GRIP2: variants seen among roughly 807,000 people sequenced by gnomAD.
GRIP2 encodes glutamate receptor-interacting protein 2.
Under a neutral mutation model 108.3 loss-of-function variants are expected in GRIP2, and 58 were observed. The ratio of observed to expected loss-of-function variants is 0.54; its 90% confidence interval spans 0.43 to 0.67. The LOEUF (loss-of-function observed/expected upper bound fraction) is 0.67, where lower values mean the gene tolerates loss of function less well. GRIP2 is among the 30% of genes least tolerant of loss of function. The probability of loss-of-function intolerance (pLI) is 0.00; values close to 1 mark genes in which losing one functional copy is unlikely to be tolerated. For missense variants in GRIP2, 1,278 were observed against 1,430.6 expected, an observed-to-expected ratio of 0.89 and a Z score of 1.72; for synonymous variants, 586 against 598.2, an observed-to-expected ratio of 0.98 and a Z score of 0.30.
chr3:14,579,026 G>T, the GRIP2 span, among the ~76,000 whole-genome samples: 4 of 152,114 alleles, frequency 2.6e-5, no homozygotes, highest in Admixed American at 2.0e-4. Context: ...CAGTGTTTAG[G>T]GTGGCTTTAT....
At position 14,512,903 on chromosome 3, in the gene GRIP2, G is replaced by A; in HGVS notation, c.1640-46C>T. The A allele has an allele frequency of 6.4e-7, 1 of 1,563,110 alleles. No individual in the cohort carries two copies. The highest frequency in any genetic ancestry group is 8.8e-7 in the Non-Finnish European group (1 of 1,133,946). Reference sequence around the variant, plus strand: ...ACCGACGTGAGGACCCAGAGGAGGAGCCTCAGCGAACCCCAGCCCCATGCC... The same window carrying A: ...ACCGACGTGAGGACCCAGAGGAGGAACCTCAGCGAACCCCAGCCCCATGCC... On this transcript the variant is annotated intron_variant, in intron 13 of 23. Transcript: ENST00000621039. The surrounding 1 kb of genome is among the most constrained non-coding windows in gnomAD (Gnocchi z 5.1).
the GRIP2 span, among the ~76,000 whole-genome samples, chr3:14,568,871 C>T: frequency 6.6e-6 from 1 of 152,226 alleles, no homozygotes; most frequent in South Asian, 2.1e-4. Flanking sequence ...AGTCAGACAA[C>T]CGAGGCTCCA....
At chr3:14,499,084 G>T (rs933692149) in intron 21 of GRIP2, among the ~76,000 whole-genome samples, 1 of 152,194 alleles carries the variant, frequency 6.6e-6, no homozygotes, top group Non-Finnish European at 1.5e-5. Flanking sequence ...TGAACAGGCG[G>T]GGAGGGGGAG....
chr3:14,590,700 G>A, the GRIP2 span, among the ~76,000 whole-genome samples: 5 of 152,278 alleles, frequency 3.3e-5, no homozygotes, highest in South Asian at 8.3e-4. Context: ...ACCGCCTAAC[G>A]AGGATGAAGC....
At chr3:14,495,150 C>T (rs977416001) in intron 22 of GRIP2, among the ~76,000 whole-genome samples, 161 bp from the exon 23 acceptor site, 20 of 152,172 alleles carry the variant, frequency 1.3e-4, no homozygotes, top group African/African-American at 3.1e-4. Context: ...CAGCCACCCC[C>T]GCCACCCCGC....
chr3:14,507,789 C>T lies in GRIP2; in HGVS notation c.2079-89G>A, dbSNP rs1389191059. ...GCCCTCAGGGAATCCAGGAGAGCCA[C>T]AAAGCAGAAGTCTGGCTGACCCCAG... On this transcript the variant is annotated intron_variant, in intron 17 of 23. Transcript: ENST00000621039. The surrounding 1 kb of genome is among the most constrained non-coding windows in gnomAD (Gnocchi z 4.6). 6.7e-7 allele frequency: 1 copy of T among 1,487,012 alleles called. No homozygotes were observed. Among genetic ancestry groups the T allele is most frequent in the Admixed American group, 1.8e-5 (1 of 54,282 alleles). The allele number at this position is 1,487,012 out of a possible 1,614,324, so 92.1% of individuals were successfully genotyped here. A position where few individuals can be genotyped will look rare whatever the true frequency, so the allele number is the denominator to read the frequency against.
At chr3:14,572,821 C>A in the GRIP2 span, 1 of 904,940 alleles carries the variant, frequency 1.1e-6, no homozygotes, top group Non-Finnish European at 1.8e-6. Context: ...CCTGCTGGAG[C>A]GCATGGTCCC....
At chr3:14,579,467 C>T in the GRIP2 span, among the ~76,000 whole-genome samples, 13 of 152,270 alleles carry the variant, frequency 8.5e-5, 1 homozygote, top group African/African-American at 3.1e-4. Flanking sequence ...TTCTAGGGCT[C>T]GTGTGTGATC....
At chr3:14,555,043 G>C (rs976917900) in intron 1 of GRIP2, among the ~76,000 whole-genome samples, 8 of 152,038 alleles carry the variant, frequency 5.3e-5, no homozygotes, top group African/African-American at 1.7e-4. Context: ...GTGAAGCCTG[G>C]GGTCACACAG....
intron 8 of GRIP2, 24 bp downstream of exon 8, chr3:14,520,366 G>A (rs1270764871): frequency 1.9e-6 from 3 of 1,610,426 alleles, no homozygotes; most frequent in African/African-American, 2.7e-5. Flanking sequence ...CCTCCATGGT[G>A]GCAGCACCCA....
At chr3:14,538,148 AGC>A (rs768094382) in intron 1 of GRIP2, among the ~76,000 whole-genome samples, 56 of 152,276 alleles carry the variant, frequency 3.7e-4, no homozygotes, top group Non-Finnish European at 6.6e-4. Context: ...TGGTCCACAG[AGC>A]CCAGCTCCAA....
chr3:14,602,313 GT>G, the GRIP2 span: 152,030 of 152,034 alleles, frequency 1, 76,013 homozygotes, highest in Middle Eastern at 1. This position sits in a 1 kb window ranked among gnomAD's most constrained non-coding sequence, Gnocchi z 4.7. Context: ...CAGCGCTGCT[GT>G]GCAGGGGCAG....
Position 14,505,788 on chromosome 3 carries a change from C to A in GRIP2, c.2400G>T (p.Gly800=). The change falls in exon 20 of 24, where the codon GGG becomes GGT. Residue 800 remains glycine (G), a splice_region_variant and synonymous_variant. Coordinates refer to ENST00000621039, the MANE Select transcript of GRIP2 (RefSeq NM_001080423.4). This position sits in a 1 kb window ranked among gnomAD's most constrained non-coding sequence, Gnocchi z 4.2. ...SATEGGFGGP[G]SYTPQAAARG... The stretch of plus-strand genomic sequence containing the variant: ...GGGCTGCTGCCTGTGGTGTATAGGA[C>A]CCTGGTGGTGGAGAGAGGGCCTCTG... The A allele has an allele frequency of 1.3e-6, 2 of 1,523,122 alleles. No individual in the cohort carries two copies. The highest frequency in any genetic ancestry group is 1.3e-5 in the South Asian group (1 of 76,766). 94.4% of individuals were successfully genotyped at this position (1,523,122 alleles called of 1,614,324 possible).
the GRIP2 span, among the ~76,000 whole-genome samples, chr3:14,584,539 G>C: frequency 1.3e-5 from 2 of 152,214 alleles, no homozygotes; most frequent in Non-Finnish European, 2.9e-5. Flanking sequence ...TCGCTACAAG[G>C]AAGAGGATTT....
chr3:14,576,195 G>A, the GRIP2 span, among the ~76,000 whole-genome samples: 2 of 152,232 alleles, frequency 1.3e-5, no homozygotes, highest in African/African-American at 4.8e-5. Context: ...AAGAGCCTGG[G>A]CAGGACATGG....
intron 19 of GRIP2, among the ~76,000 whole-genome samples, chr3:14,506,083 T>C (rs956716547): frequency 6.6e-6 from 1 of 152,196 alleles, no homozygotes; most frequent in Non-Finnish European, 1.5e-5. Flanking sequence ...TTCCTGCCTT[T>C]GGGAGCTCTG....
At chr3:14,580,513 T>C in the GRIP2 span, among the ~76,000 whole-genome samples, 1 of 152,068 alleles carries the variant, frequency 6.6e-6, no homozygotes, top group Admixed American at 6.6e-5. Context: ...CTGGGCAACA[T>C]AGTGAGACCT....
In GRIP2 at chr3:14,525,859, C is replaced by A; in HGVS notation, c.113G>T (p.Ser38Ile). ...ADVSLACRRQ[S>I]IPEEFRGITV... is the part of the protein sequence containing the mutation. ...GAGGGAAGCCTCATTACCTGGAATG[C>A]TCTGTCTGCGGCACGCCAGGGAAAC... Residue 38 changes from serine (S) to isoleucine (I), a missense_variant, in exon 2 of 24, where the codon AGC (serine) becomes ATC (isoleucine). Physicochemically the swap from Ser to Ile is moderately radical, Grantham distance 142 (BLOSUM62 -2). Coordinates refer to ENST00000621039, the MANE Select transcript of GRIP2 (RefSeq NM_001080423.4). 1 of 1,558,360 alleles carries A rather than the reference C, an allele frequency of 6.4e-7. No individual in the cohort carries two copies. Among genetic ancestry groups the A allele is most frequent in the Non-Finnish European group, 8.7e-7 (1 of 1,150,826 alleles).
intron 16 of GRIP2, among the ~76,000 whole-genome samples, 197 bp downstream of exon 16, chr3:14,510,968 T>A (rs186825704): frequency 4.3e-4 from 66 of 152,282 alleles, no homozygotes; most frequent in Non-Finnish European, 6.9e-4. Flanking sequence ...TCACAGAGGC[T>A]CTGGAGGGCC....
Sources: gnomAD v4.1 joint callset for allele counts (sites outside exome capture counted in the v4.1 genomes callset) on GRCh38, gnomAD v4.1.1 for gene constraint, Gnocchi (gnomAD v3.1) non-coding constraint, MANE v1.5 for transcripts, NCBI Gene and HGNC (gene_info 2026-07-23, HGNC 2026-07-21) for gene names.